COL11A1: variants seen among roughly 807,000 people sequenced by gnomAD.
The protein encoded by COL11A1 is collagen alpha-1(XI) chain.
Under a neutral mutation model 265.2 loss-of-function variants are expected in COL11A1, and 74 were observed. That is an observed-to-expected ratio of 0.28 (90% CI 0.23 to 0.34). The LOEUF is 0.34. Ranked by LOEUF, COL11A1 falls within the 10% of genes least tolerant of loss-of-function variation. The probability of loss-of-function intolerance (pLI) is 1.00; values close to 1 mark genes in which losing one functional copy is unlikely to be tolerated. For missense variants in COL11A1, 2,165 were observed against 2,263.6 expected (o/e 0.96, Z 0.88); for synonymous variants, 816 against 727.6 (o/e 1.12, Z -1.96).
Position 103,062,921 on chromosome 1 carries a change from CA to C in COL11A1, c.651+11696del, listed in dbSNP as rs1447521185. On this transcript the variant is annotated intron_variant, in intron 4 of 66. Transcript: ENST00000370096. ...TGTGTATACAAGGTATATAAAACATCAATCATTTTCTTAAGAAGAATTTGAA... is the reference window on the plus strand; with the variant it reads ...TGTGTATACAAGGTATATAAAACATCATCATTTTCTTAAGAAGAATTTGAA... Among the ~76,000 whole-genome samples, 41 of 151,902 alleles carry C rather than the reference CA, an allele frequency of 2.7e-4. No individual in the cohort carries two copies. In the East Asian group the frequency reaches 2.9e-3, roughly 11 times the overall value.
chr1:102,999,593 ATATAT>A (rs1157351279), intron 24 of COL11A1, among the ~76,000 whole-genome samples: 2 of 151,822 alleles, frequency 1.3e-5, no homozygotes, highest in Non-Finnish European at 2.9e-5. Context: ...GAAAAATATA[ATATAT>A]TATCTATTTT....
At chr1:103,052,847 TA>T (rs1248668725) in intron 4 of COL11A1, among the ~76,000 whole-genome samples, 1 of 152,148 alleles carries the variant, frequency 6.6e-6, no homozygotes, top group Non-Finnish European at 1.5e-5. Flanking sequence ...TAATGGAATA[TA>T]AAAATCTAGC....
intron 1 of COL11A1, among the ~76,000 whole-genome samples, chr1:103,092,376 A>G (rs1290917846): frequency 2.0e-5 from 3 of 152,192 alleles, no homozygotes; most frequent in African/African-American, 7.2e-5. Context: ...TGCACAAAAT[A>G]TATGTAGATA....
chr1:102,964,483 G>A (rs968007795), intron 38 of COL11A1, among the ~76,000 whole-genome samples: 1 of 152,016 alleles, frequency 6.6e-6, no homozygotes, highest in African/African-American at 2.4e-5. Context: ...TTGCCTCAGG[G>A]TTAACCTCTG....
chr1:102,882,250 A>G (rs1403544822), intron 64 of COL11A1, among the ~76,000 whole-genome samples: 1 of 152,220 alleles, frequency 6.6e-6, no homozygotes, highest in African/African-American at 2.4e-5. Context: ...CCTGCTGGTT[A>G]GAATATTTAG....
intron 42 of COL11A1, among the ~76,000 whole-genome samples, chr1:102,943,010 A>G (rs1455441475): frequency 1.3e-5 from 2 of 152,108 alleles, no homozygotes; most frequent in Non-Finnish European, 1.5e-5. Context: ...TGATAGGGGT[A>G]GCTCCCAACC....
Position 103,022,936 on chromosome 1 carries a change from G to T in COL11A1, c.1051C>A (p.Gln351Lys), listed in dbSNP as rs761451204. Residue 351 changes from glutamine (Q) to lysine (K), a missense_variant, in exon 8 of 67, where the codon CAG (glutamine) becomes AAG (lysine). Physicochemically the swap from Gln to Lys is moderately conservative, Grantham distance 53. Coordinates refer to ENST00000370096, the MANE Select transcript of COL11A1 (RefSeq NM_001854.4). ...AGTGTATCCTCAGAATTTTTCCTCTGGGAATCATAATCCTCTCCCGTTAGA... is the reference window on the plus strand; with the variant it reads ...AGTGTATCCTCAGAATTTTTCCTCTTGGAATCATAATCCTCTCCCGTTAGA... The part of the protein sequence containing the change: ...EYLTGEDYDS[Q>K]RKNSEDTLYE... The T allele has an allele frequency of 8.1e-6, 13 of 1,613,222 alleles. No homozygotes were observed. Among genetic ancestry groups the T allele is most frequent in the Middle Eastern group, 1.6e-4 (1 of 6,080 alleles).
intron 4 of COL11A1, among the ~76,000 whole-genome samples, chr1:103,038,296 C>A (rs1352834599): frequency 6.6e-6 from 1 of 151,992 alleles, no homozygotes; most frequent in Non-Finnish European, 1.5e-5. Context: ...AACCCATTCT[C>A]CACCAAAAAA....
At chr1:102,974,053 G>A (rs1040582517) in intron 36 of COL11A1, among the ~76,000 whole-genome samples, 2 of 152,138 alleles carry the variant, frequency 1.3e-5, no homozygotes, top group Non-Finnish European at 2.9e-5. Context: ...TTTGGTCAGT[G>A]GAACATTTCT....
At chr1:102,999,920 CAT>C (rs1432124712) in intron 24 of COL11A1, among the ~76,000 whole-genome samples, 1 of 151,792 alleles carries the variant, frequency 6.6e-6, no homozygotes, top group Non-Finnish European at 1.5e-5. Context: ...GTGTTTTCCT[CAT>C]ATTTTTGAGT....
At chr1:103,005,120 T>C (rs909799761) in intron 18 of COL11A1, among the ~76,000 whole-genome samples, 13 of 152,138 alleles carry the variant, frequency 8.5e-5, no homozygotes, top group African/African-American at 3.1e-4. Context: ...CAATTATGTC[T>C]TGATCTTAAC....
intron 5 of COL11A1, among the ~76,000 whole-genome samples, chr1:103,028,453 A>T (rs1283740576): frequency 1.3e-5 from 2 of 152,092 alleles, no homozygotes; most frequent in African/African-American, 4.8e-5. Context: ...ATATATATAC[A>T]TTGCTACGTA....
In COL11A1 at chr1:102,879,729, G is replaced by T; in HGVS notation, c.5228C>A (p.Ser1743Tyr). ...RFLGSNDEEM[S>Y]YDNNPFIKTL... is the part of the protein sequence containing the mutation. ...TTTGATAAAAGGATTATTGTCATAG[G>T]ACATCTCCTCATCATTTGATCCCAG... Residue 1743 changes from serine (S) to tyrosine (Y), a missense_variant, in exon 66 of 67, where the codon TCC (serine) becomes TAC (tyrosine). Transcript: ENST00000370096. 9 of 1,613,894 alleles carry T rather than the reference G, an allele frequency of 5.6e-6. No individual in the cohort carries two copies. The highest frequency in any genetic ancestry group is 6.8e-6 in the Non-Finnish European group (8 of 1,179,870).
At chr1:102,946,078 C>CA (rs1384904268) in intron 42 of COL11A1, among the ~76,000 whole-genome samples, 1 of 133,906 alleles carries the variant, frequency 7.5e-6, no homozygotes, top group African/African-American at 2.7e-5. Flanking sequence ...ATCGCAAGGA[C>CA]AAAAAACCAA....
At chr1:103,013,496 T>G (rs2101894960) in intron 13 of COL11A1, among the ~76,000 whole-genome samples, 1 of 152,058 alleles carries the variant, frequency 6.6e-6, no homozygotes, top group African/African-American at 2.4e-5. Context: ...TTTAGTAAAT[T>G]ATTTTAAATA....
chr1:103,007,448 T>G (rs1665723807), intron 15 of COL11A1, among the ~76,000 whole-genome samples: 1 of 152,070 alleles, frequency 6.6e-6, no homozygotes, highest in Non-Finnish European at 1.5e-5. Context: ...CTATTTAAAG[T>G]TAATTGAAAC....
chr1:102,884,117 G>T (rs937282063), intron 63 of COL11A1, among the ~76,000 whole-genome samples: 42 of 152,234 alleles, frequency 2.8e-4, no homozygotes, highest in Middle Eastern at 3.4e-3. Flanking sequence ...CTCAGAAAAT[G>T]ATACCCCAAA....
intron 4 of COL11A1, among the ~76,000 whole-genome samples, chr1:103,044,077 A>G (rs554001408): frequency 6.6e-6 from 1 of 152,166 alleles, no homozygotes; most frequent in South Asian, 2.1e-4. Flanking sequence ...ATTCTTAAGA[A>G]GTAACTACCA....
chr1:103,032,313 C>T (rs888163347), intron 4 of COL11A1, among the ~76,000 whole-genome samples: 5 of 151,962 alleles, frequency 3.3e-5, no homozygotes, highest in Non-Finnish European at 5.9e-5. Context: ...AATTAAATTA[C>T]AAAAATCTTT....
Sources: gnomAD v4.1 joint callset for allele counts (sites outside exome capture counted in the v4.1 genomes callset) on GRCh38, gnomAD v4.1.1 for gene constraint, MANE v1.5 for transcripts, NCBI Gene and HGNC (gene_info 2026-07-23, HGNC 2026-07-21) for gene names.